Variants in DZIP3 observed in about 807,000 individuals in gnomAD.
The protein encoded by DZIP3 is DAZ interacting zinc finger protein 3, also known as E3 ubiquitin-protein ligase DZIP3.
In DZIP3, 118 loss-of-function variants were observed where a neutral mutation model predicts 162.0. The ratio of observed to expected loss-of-function variants is 0.73; its 90% CI spans 0.63 to 0.85. The LOEUF (loss-of-function observed/expected upper bound fraction) is 0.85. DZIP3 is among the 40% of genes least tolerant of loss of function. DZIP3 has a pLI of 0.00. For synonymous variants in DZIP3, 438 were observed against 458.6 expected, an observed-to-expected ratio of 0.96 and a Z score of 0.57; for missense variants, 1,331 against 1,407.0, an observed-to-expected ratio of 0.95 and a Z score of 0.86.
chr3:108,645,723 A>G (rs1942594134), intron 14 of DZIP3, among the ~76,000 whole-genome samples: 1 of 152,210 alleles, frequency 6.6e-6, no homozygotes, highest in Non-Finnish European at 1.5e-5. Flanking sequence ...GATTTTCTTC[A>G]GAGATAATTG....
intron 5 of DZIP3, among the ~76,000 whole-genome samples, chr3:108,623,186 G>A (rs1186394517): frequency 6.6e-6 from 1 of 152,020 alleles, no homozygotes; most frequent in Non-Finnish European, 1.5e-5. Context: ...TGATACTCAA[G>A]CTGCAAGACA....
intron 1 of DZIP3, among the ~76,000 whole-genome samples, chr3:108,593,694 T>A (rs1199901676): frequency 6.7e-6 from 1 of 149,420 alleles, no homozygotes; most frequent in African/African-American, 2.5e-5. Context: ...TTTTTTTTTT[T>A]TAATATGGTT....
intron 1 of DZIP3, among the ~76,000 whole-genome samples, chr3:108,600,903 C>G (rs922140433): frequency 6.6e-6 from 1 of 152,174 alleles, no homozygotes; most frequent in Non-Finnish European, 1.5e-5. Context: ...CTTTGACACT[C>G]ACTAGCTAGC....
intron 3 of DZIP3, among the ~76,000 whole-genome samples, chr3:108,608,651 G>A (rs971742241): frequency 7.2e-5 from 11 of 151,946 alleles, no homozygotes; most frequent in African/African-American, 2.7e-4. Flanking sequence ...TACATAAAAG[G>A]CTTTTATTAC....
intron 21 of DZIP3, among the ~76,000 whole-genome samples, chr3:108,664,602 T>A (rs1187981040): frequency 6.6e-6 from 1 of 152,224 alleles, no homozygotes; most frequent in African/African-American, 2.4e-5. Context: ...TTACTCCCTC[T>A]CACTAGGAAT....
chr3:108,688,615 A>T lies in DZIP3; in HGVS notation c.3293A>T (p.Asn1098Ile), dbSNP rs1289166756. ...CAGAGTCAAGGAAAATCAGTGTCAAATGTTAATTGTGTTTCACCTAGTCAT... is the reference window on the plus strand; with the variant it reads ...CAGAGTCAAGGAAAATCAGTGTCAATTGTTAATTGTGTTTCACCTAGTCAT... Reference protein sequence around the residue: ...KSQSQGKSVSNVNCVSPSHSP... With the variant: ...KSQSQGKSVSIVNCVSPSHSP... Residue 1098 changes from asparagine to isoleucine, a missense_variant, in exon 30 of 33, where the codon AAT becomes ATT. Asn to Ile is a moderately radical substitution (Grantham distance 149, BLOSUM62 -3). Transcript: ENST00000361582. 6.2e-7 allele frequency: 1 copy of T among 1,612,814 alleles called. No homozygotes were observed.
At chr3:108,651,527 T>A (rs183197345) in intron 18 of DZIP3, among the ~76,000 whole-genome samples, 12 of 151,678 alleles carry the variant, frequency 7.9e-5, no homozygotes, top group Admixed American at 7.9e-4. Context: ...CACTCCTAGG[T>A]TTGTAGCCTA....
chr3:108,684,180 G>A (rs1335791161), intron 26 of DZIP3, 36 bp from the exon 27 acceptor site: 4 of 1,566,006 alleles, frequency 2.6e-6, no homozygotes, highest in Non-Finnish European at 3.5e-6. Context: ...TGTGGGGGGG[G>A]GTGTTGTTTA....
At chr3:108,608,179 C>A (rs781713428) in intron 3 of DZIP3, 21 bp downstream of exon 3, 63 of 1,542,306 alleles carry the variant, frequency 4.1e-5, no homozygotes, top group Admixed American at 7.0e-5. Flanking sequence ...GTTTAATTTT[C>A]ATTAACTGTT....
chr3:108,629,171 T>C lies in DZIP3; in HGVS notation c.691T>C (p.Phe231Leu). The C allele has an allele frequency of 2.6e-6, 4 of 1,557,634 alleles. No individual in the cohort carries two copies. The Admixed American group carries it at 8.1e-5, about 31-fold the overall frequency. The change falls in exon 8 of 33, where the codon TTT becomes CTT. Residue 231 changes from phenylalanine (F) to leucine (L), a missense_variant. Phe to Leu is a conservative substitution (Grantham distance 22). Around this residue, in one of 2 missense-constraint regions of DZIP3, gnomAD observed 1,278 missense variants for 1,317.1 expected, o/e 0.97. Transcript: ENST00000361582. ...PTEDEDLPTT[F>L]KDLLNNFIKT... ...AGAAGATGAAGATTTACCTACAACT[T>C]TTAAAGTAAGAAATTATTTAAGAGT...
intron 1 of DZIP3, among the ~76,000 whole-genome samples, chr3:108,595,864 A>C (rs892854498): frequency 6.6e-6 from 1 of 152,232 alleles, no homozygotes; most frequent in African/African-American, 2.4e-5. Context: ...TTGTTCATTC[A>C]TTCATCTCCT....
chr3:108,658,247 A>T (rs1365648360), intron 19 of DZIP3, among the ~76,000 whole-genome samples: 2 of 152,212 alleles, frequency 1.3e-5, no homozygotes, highest in South Asian at 2.1e-4. Context: ...GAAGTAAAGC[A>T]CTCCTCAGCA....
At chr3:108,688,567 A>C in intron 29 of DZIP3, 26 bp from the exon 30 acceptor site, 1 of 1,604,790 alleles carries the variant, frequency 6.2e-7, no homozygotes, top group Non-Finnish European at 8.5e-7. Flanking sequence ...ATTCTGAAAA[A>C]ATAAACATTA....
intron 13 of DZIP3, 80 bp downstream of exon 13, chr3:108,642,594 A>G (rs917300565): frequency 7.4e-7 from 1 of 1,344,444 alleles, no homozygotes; most frequent in Non-Finnish European, 9.9e-7. Context: ...CATGCCATTA[A>G]CAACCACGTC....
At chr3:108,629,218 C>A (rs1941721235) in intron 8 of DZIP3, 42 bp downstream of exon 8, 7 of 1,238,386 alleles carry the variant, frequency 5.7e-6, no homozygotes, top group South Asian at 1.4e-5. Context: ...TGTAACTAAT[C>A]AGAATAACCA....
intron 5 of DZIP3, among the ~76,000 whole-genome samples, chr3:108,621,680 A>G (rs1446674500): frequency 3.3e-5 from 5 of 152,210 alleles, no homozygotes; most frequent in Admixed American, 3.3e-4. Flanking sequence ...TAGTAAAACC[A>G]CTATGGCAAG....
At position 108,605,411 on chromosome 3, in the gene DZIP3, A is replaced by G; in HGVS notation, c.5A>G (p.Asp2Gly). The change falls in exon 2 of 33, where the codon GAT (aspartate) becomes GGT (glycine). Residue 2 changes from aspartate to glycine, a missense_variant. By Grantham distance (94) the Asp-to-Gly change is moderately conservative. Coordinates refer to ENST00000361582, the MANE Select transcript of DZIP3 (RefSeq NM_014648.4). M[D>G]SLPDEFFVRH... ...TGTAAAGAAACCTTGTGCAGCATGG[A>G]TTCTCTACCAGATGAATTTTTTGTG... 1 of 1,613,572 alleles carries G rather than the reference A, an allele frequency of 6.2e-7. No individual in the cohort carries two copies.
chr3:108,595,184 A>G (rs1470832792), intron 1 of DZIP3, among the ~76,000 whole-genome samples: 1 of 152,196 alleles, frequency 6.6e-6, no homozygotes, highest in Non-Finnish European at 1.5e-5. Context: ...AAAGATTAGC[A>G]TAAAATTTCT....
Position 108,616,579 on chromosome 3 carries a change from T to C in DZIP3, c.297T>C (p.Ile99=). The change falls in exon 5 of 33, where the codon ATT becomes ATC. Residue 99 remains isoleucine, a synonymous_variant. Coordinates refer to ENST00000361582, the MANE Select transcript of DZIP3 (RefSeq NM_014648.4). The stretch of plus-strand genomic sequence containing the variant: ...CTAACAGCCAGAATGGTGAGGAAAT[T>C]GTTCCTGCTTTGACTTTACGTTTCT... ...VAANSQNGEE[I]VPALTLRFLI... is the part of the protein sequence containing the mutation. 1 of 1,610,298 alleles carries C rather than the reference T, an allele frequency of 6.2e-7. No individual in the cohort carries two copies. The highest frequency in any genetic ancestry group is 2.3e-5 in the East Asian group (1 of 44,398).
Sources: allele counts gnomAD v4.1 joint callset (sites outside exome capture counted in the v4.1 genomes callset), GRCh38; gene constraint gnomAD v4.1.1; regional missense constraint gnomAD v4.1.1; transcripts MANE v1.5; gene names NCBI Gene and HGNC (gene_info 2026-07-23, HGNC 2026-07-21).